The following SLC13A1 variants were observed in gnomAD, a reference collection of about 807,000 sequenced individuals.
The protein encoded by SLC13A1 is solute carrier family 13 member 1.
SLC13A1 carries 65 observed loss-of-function variants against 70.0 expected under a neutral mutation model. That is an observed-to-expected ratio of 0.93 (90% confidence interval 0.76 to 1.14). SLC13A1 has a LOEUF of 1.14. Among genes scored for constraint, SLC13A1 ranks in the 50% most tolerant of loss-of-function variants. The pLI, the probability that SLC13A1 is intolerant of heterozygous loss-of-function variation, is 0.00. For synonymous variants in SLC13A1, 275 were observed against 250.5 expected, an observed-to-expected ratio of 1.10 and a Z score of -0.92; for missense variants, 726 against 717.8, an observed-to-expected ratio of 1.01 and a Z score of -0.13.
chr7:123,167,495 T>C (rs1563342756), intron 6 of SLC13A1, among the ~76,000 whole-genome samples: 1 of 152,210 alleles, frequency 6.6e-6, no homozygotes, highest in Non-Finnish European at 1.5e-5. Context: ...TGCCTGTTAA[T>C]GCATTCCATG....
rs371600710 is a variant in SLC13A1 at position 123,194,975 on chromosome 7, G to A, written c.99+4873C>T. Among the ~76,000 whole-genome samples, 9 of 152,012 alleles carry A rather than the reference G, an allele frequency of 5.9e-5. 1 individual carries two copies. The highest frequency in any genetic ancestry group is 1.2e-4 in the Non-Finnish European group (8 of 67,964). On this transcript the variant is annotated intron_variant, in intron 1 of 14. Coordinates refer to ENST00000194130, the MANE Select transcript of SLC13A1 (RefSeq NM_022444.4). The stretch of plus-strand genomic sequence containing the variant: ...CACAGATGATTTCTTTAAATTATTC[G>A]GCATGTGTTTAGGTACAACCTACTT...
chr7:123,179,551 A>G (rs1465733270), intron 2 of SLC13A1, among the ~76,000 whole-genome samples: 2 of 152,094 alleles, frequency 1.3e-5, no homozygotes, highest in African/African-American at 4.8e-5. Flanking sequence ...TGGCACCTAC[A>G]ATTTTGCTGC....
chr7:123,180,096 A>T (rs556718004), intron 2 of SLC13A1, among the ~76,000 whole-genome samples: 2 of 152,216 alleles, frequency 1.3e-5, no homozygotes, highest in South Asian at 4.1e-4. Flanking sequence ...GTTAGGTGGG[A>T]GGGGAAAACC....
rs537922311 is a variant in SLC13A1 at position 123,192,151 on chromosome 7, A to G, written c.99+7697T>C. On this transcript the variant is annotated intron_variant, in intron 1 of 14. Coordinates refer to ENST00000194130, the MANE Select transcript of SLC13A1 (RefSeq NM_022444.4). ...CCTGCAGCCCTCATCTCTCTTGCTAATAAACAGCACTGGAACTAAAATGTC... is the reference window on the plus strand; with the variant it reads ...CCTGCAGCCCTCATCTCTCTTGCTAGTAAACAGCACTGGAACTAAAATGTC... Among the ~76,000 whole-genome samples, 28 of 152,230 alleles carry G rather than the reference A, an allele frequency of 1.8e-4. 1 individual carries two copies. The highest frequency in any genetic ancestry group is 6.5e-4 in the African/African-American group (27 of 41,544).
chr7:123,186,803 G>T, intron 1 of SLC13A1: 1 of 451,412 alleles, frequency 2.2e-6, no homozygotes, highest in Non-Finnish European at 4.5e-6. Context: ...AAGTATTTTA[G>T]TATTATGAAT....
At chr7:123,148,251 T>A (rs2470976) in intron 6 of SLC13A1, among the ~76,000 whole-genome samples, 39,080 of 152,078 alleles carry the variant, frequency 0.26, 5,295 homozygotes, top group East Asian at 0.35. Context: ...CACTCAGCAC[T>A]TAATCATCTT....
chr7:123,188,876 G>A (rs984231576), intron 1 of SLC13A1, among the ~76,000 whole-genome samples: 2 of 151,888 alleles, frequency 1.3e-5, no homozygotes, highest in African/African-American at 4.8e-5. Flanking sequence ...AGCACTTTGG[G>A]AGGCCGAGGC....
intron 1 of SLC13A1, among the ~76,000 whole-genome samples, chr7:123,192,265 A>G (rs987327025): frequency 2.0e-5 from 3 of 152,128 alleles, no homozygotes; most frequent in African/African-American, 7.2e-5. Flanking sequence ...TGTCTTAACC[A>G]CCTCAAGTGC....
At chr7:123,128,577 A>T (rs955193094) in intron 10 of SLC13A1, among the ~76,000 whole-genome samples, 1 of 152,024 alleles carries the variant, frequency 6.6e-6, no homozygotes, top group East Asian at 1.9e-4. Flanking sequence ...TTTTGTAGGG[A>T]TGGGAATTTT....
intron 6 of SLC13A1, among the ~76,000 whole-genome samples, chr7:123,159,025 A>G (rs531597566): frequency 9.9e-5 from 15 of 152,200 alleles, no homozygotes; most frequent in Non-Finnish European, 1.9e-4. Flanking sequence ...ACATAACTCT[A>G]CAGAGCACTG....
chr7:123,153,093 A>T (rs1451181984), intron 6 of SLC13A1, among the ~76,000 whole-genome samples: 1 of 152,104 alleles, frequency 6.6e-6, no homozygotes, highest in Non-Finnish European at 1.5e-5. Flanking sequence ...ATTGGATTTC[A>T]TATAAAAGCT....
In SLC13A1 at chr7:123,131,584, A is replaced by T. The variant is rs149405239; in HGVS notation, c.933-2103T>A. ...CTTCTCAGGTATGTTGGGATCATTT[A>T]TAATGGGTGAGTTAACTGTGTTAAT... is the stretch of plus-strand genomic sequence containing the variant. On this transcript the variant is annotated intron_variant, in intron 8 of 14. Coordinates refer to ENST00000194130, the MANE Select transcript of SLC13A1 (RefSeq NM_022444.4). Among the ~76,000 whole-genome samples the T allele has an allele frequency of 6.6e-5, 10 of 152,364 alleles. No individual in the cohort carries two copies. In the East Asian group the frequency reaches 1.9e-3, roughly 29 times the overall value.
At chr7:123,196,540 G>A (rs1025016628) in intron 1 of SLC13A1, among the ~76,000 whole-genome samples, 3 of 152,036 alleles carry the variant, frequency 2.0e-5, no homozygotes, top group African/African-American at 7.2e-5. Flanking sequence ...CAATTCGGAC[G>A]CAAGTATGGA....
intron 6 of SLC13A1, 100 bp from the exon 7 acceptor site, chr7:123,147,410 C>T (rs563180414): frequency 7.5e-7 from 1 of 1,341,748 alleles, no homozygotes. Context: ...TATGTTGAAA[C>T]CCTAACTCCT....
rs754331818 is a variant in SLC13A1, at chr7:123,169,270, GC to G, written c.430del (p.Ala144LeufsTer4). 8.0e-5 allele frequency: 129 copies of G among 1,613,870 alleles called. No individual in the cohort carries two copies. Among genetic ancestry groups the G allele is most frequent in the Non-Finnish European group, 1.0e-4 (120 of 1,180,008 alleles). ...LSMWLSNTSTAAMVMPIAEAV... is the reference protein window; with the variant it reads ...LSMWLSNTSTXAMVMPIAEAV... ...CTCCGCAATGGGCATCACCATGGCA[GC>G]CGTCGAGGTGTTGCTGAGCCACATA... On this transcript the variant is annotated frameshift_variant, in exon 4 of 15. Transcript: ENST00000194130. LOFTEE classifies it high-confidence loss of function.
chr7:123,134,645 C>T, intron 7 of SLC13A1, 116 bp from the exon 8 acceptor site: 1 of 942,526 alleles, frequency 1.1e-6, no homozygotes, highest in South Asian at 1.8e-5. Flanking sequence ...AGAAGGAAGT[C>T]CTGGAATATA....
rs1401802141 is a variant in SLC13A1 at position 123,128,865 on chromosome 7, A to G, written c.1113T>C (p.Gly371=). ...WFSRDPGFVP[G]WSALFSEYPG... ...CTTACTCTGAAAAAAGTGCAGACCAACCAGGAACAAATCCGGGGTCTCGAC... is the reference window on the plus strand; with the variant it reads ...CTTACTCTGAAAAAAGTGCAGACCAGCCAGGAACAAATCCGGGGTCTCGAC... Residue 371 remains glycine, a synonymous_variant, in exon 10 of 15, where the codon GGT becomes GGC. Transcript: ENST00000194130. The G allele has an allele frequency of 3.1e-6, 5 of 1,613,242 alleles. No homozygotes were observed. Among genetic ancestry groups the G allele is most frequent in the South Asian group, 2.2e-5 (2 of 91,050 alleles).
intron 1 of SLC13A1, among the ~76,000 whole-genome samples, chr7:123,194,041 A>G (rs1796088912): frequency 6.6e-6 from 1 of 152,090 alleles, no homozygotes; most frequent in South Asian, 2.1e-4. Flanking sequence ...TTAACTATCT[A>G]CTATGTGACA....
At chr7:123,169,004 A>G in intron 4 of SLC13A1, 144 bp downstream of exon 4, 1 of 680,202 alleles carries the variant, frequency 1.5e-6, no homozygotes, top group East Asian at 2.7e-5. Context: ...ATTTTTGTAG[A>G]TACTGAGAAC....
Sources: gnomAD v4.1 joint callset for allele counts (sites outside exome capture counted in the v4.1 genomes callset) on GRCh38, gnomAD v4.1.1 for gene constraint, MANE v1.5 for transcripts, NCBI Gene and HGNC (gene_info 2026-07-23, HGNC 2026-07-21) for gene names.